The following KLHL13 variants were observed in gnomAD, a reference collection of about 807,000 sequenced individuals.
KLHL13 encodes kelch like family member 13, also known as kelch-like protein 13.
KLHL13 carries 10 observed loss-of-function variants against 37.1 expected under a neutral mutation model. The ratio of observed to expected loss-of-function variants is 0.27; its 90% CI spans 0.17 to 0.46. The LOEUF (loss-of-function observed/expected upper bound fraction) is 0.46, where lower values mean the gene tolerates loss of function less well. Among genes scored for constraint, KLHL13 ranks in the 20% least tolerant of loss-of-function variants. The probability of loss-of-function intolerance (pLI) is 1.00; values close to 1 mark genes in which losing one functional copy is unlikely to be tolerated. For missense variants in KLHL13, 360 were observed against 509.3 expected, an observed-to-expected ratio of 0.71 and a Z score of 2.82; for synonymous variants, 163 against 181.2, an observed-to-expected ratio of 0.90 and a Z score of 0.81.
At chrX:118,047,076 G>C (rs192750129) in intron 1 of KLHL13, among the ~76,000 whole-genome samples, 1 of 111,852 alleles carries the variant, frequency 8.9e-6, no homozygotes, top group East Asian at 2.8e-4. Flanking sequence ...AAACAAGTAA[G>C]AGAAGGGGGG....
intron 1 of KLHL13, among the ~76,000 whole-genome samples, chrX:118,024,434 A>C (rs2054253042): frequency 8.9e-6 from 1 of 112,018 alleles, no homozygotes; most frequent in Non-Finnish European, 1.9e-5. Context: ...ACTACTGCTC[A>C]TCAAAAGACA....
intron 1 of KLHL13, among the ~76,000 whole-genome samples, chrX:118,114,912 T>G (rs1280062444): frequency 1.8e-5 from 2 of 112,126 alleles, no homozygotes; most frequent in African/African-American, 6.5e-5. Context: ...AATACATCAT[T>G]TGATGTTGCA....
chrX:118,004,147 T>C (rs751077399), intron 1 of KLHL13, among the ~76,000 whole-genome samples: 1 of 111,379 alleles, frequency 9.0e-6, no homozygotes, highest in Non-Finnish European at 1.9e-5. Context: ...AGTGAAATCA[T>C]GAAAAGGGAG....
chrX:118,002,753 G>A (rs2053939254), intron 1 of KLHL13, among the ~76,000 whole-genome samples: 1 of 110,991 alleles, frequency 9.0e-6, no homozygotes, highest in Non-Finnish European at 1.9e-5. Context: ...ACGTACAGGG[G>A]CCTTAATTAC....
At chrX:118,074,202 T>C (rs2054904469) in intron 1 of KLHL13, among the ~76,000 whole-genome samples, 1 of 111,903 alleles carries the variant, frequency 8.9e-6, no homozygotes, top group Non-Finnish European at 1.9e-5. Flanking sequence ...TTAGCAGAAA[T>C]GTAGGTTCTA....
chrX:118,071,475 T>A (rs1299178162), intron 1 of KLHL13, among the ~76,000 whole-genome samples: 2 of 111,976 alleles, frequency 1.8e-5, no homozygotes, highest in African/African-American at 6.5e-5. Flanking sequence ...GGTATCTCAC[T>A]GTGGTTTTGA....
At chrX:118,071,357 G>C (rs1340473187) in intron 1 of KLHL13, among the ~76,000 whole-genome samples, 1 of 111,302 alleles carries the variant, frequency 9.0e-6, no homozygotes, top group Admixed American at 9.5e-5. Context: ...GGTTGAACTA[G>C]TTTACAGTCC....
intron 1 of KLHL13, among the ~76,000 whole-genome samples, chrX:117,996,242 G>A (rs1424440575): frequency 8.9e-6 from 1 of 112,120 alleles, no homozygotes; most frequent in African/African-American, 3.2e-5. Context: ...CATCAAATTT[G>A]TGTGATAGTT....
chrX:117,970,442 G>C (rs1346454047), intron 1 of KLHL13, among the ~76,000 whole-genome samples: 1 of 111,542 alleles, frequency 9.0e-6, no homozygotes, highest in African/African-American at 3.3e-5. Context: ...TCAGTGCAAA[G>C]AGTTTAGACC....
chrX:118,115,243 C>A (rs2055455009), intron 1 of KLHL13, among the ~76,000 whole-genome samples: 1 of 112,511 alleles, frequency 8.9e-6, no homozygotes, highest in Admixed American at 9.4e-5. Flanking sequence ...CTGCGTATGT[C>A]AGCATGTGCT....
chrX:118,041,543 G>C (rs1442487468), intron 1 of KLHL13, among the ~76,000 whole-genome samples: 1 of 111,411 alleles, frequency 9.0e-6, no homozygotes, highest in Non-Finnish European at 1.9e-5. Context: ...AGAAAAGAAA[G>C]AGACAACAAA....
In KLHL13 at chrX:118,073,926, T is replaced by C. The variant is rs137967828; in HGVS notation, c.-56+42582A>G. On this transcript the variant is annotated intron_variant, in intron 1 of 6. Coordinates refer to the KLHL13 transcript ENST00000371882. ...TGGGACAGACCTTAAAAGATTTTAT[T>C]ATCTTCCTACCCTTAACATACTTTA... 3.8e-3 allele frequency among the ~76,000 whole-genome samples: 423 copies of C among 111,911 alleles called. 1 individual carries two copies. The highest frequency in any genetic ancestry group is 6.4e-3 in the Non-Finnish European group (339 of 53,157).
At chrX:117,967,609 A>T (rs1474902983) in intron 1 of KLHL13, among the ~76,000 whole-genome samples, 1 of 111,905 alleles carries the variant, frequency 8.9e-6, no homozygotes, top group Admixed American at 9.6e-5. Context: ...AAGTATAAAA[A>T]AAGGAATCTA....
exon 1 of KLHL13, chrX:117,973,484 T>C (rs2053557041): frequency 1.1e-6 from 1 of 924,995 alleles, no homozygotes; most frequent in Admixed American, 4.0e-5. Context: ...AGAATGCCAT[T>C]ATGGGAAAAG....
rs376372512 is a variant in KLHL13 at position 118,110,336 on chromosome X, T to C, written c.-56+6172A>G. Among the ~76,000 whole-genome samples, 121 of 109,936 alleles carry C rather than the reference T, an allele frequency of 1.1e-3. 1 individual carries two copies. The highest frequency in any genetic ancestry group is 1.6e-3 in the Non-Finnish European group (83 of 52,726). ...GGAAGGTCAGGAATCATGTCTCATT[T>C]GTTTTCTACCTTTCTCTTTTCTACT... On this transcript the variant is annotated intron_variant, in intron 1 of 6. Transcript: ENST00000371882.
intron 1 of KLHL13, among the ~76,000 whole-genome samples, chrX:117,995,593 T>C (rs924950733): frequency 5.4e-5 from 6 of 111,348 alleles, no homozygotes; most frequent in Non-Finnish European, 1.1e-4. Context: ...CCCCCTTCTA[T>C]CTTGTTGTGA....
chrX:117,930,420 G>A (rs1932392862), intron 2 of KLHL13, among the ~76,000 whole-genome samples: 1 of 110,706 alleles, frequency 9.0e-6, no homozygotes, highest in South Asian at 3.9e-4. Context: ...TACCAAAAAA[G>A]CTGCTAGAAC....
chrX:117,910,137 C>A (rs758791372), intron 4 of KLHL13, 41 bp from the exon 6 acceptor site: 1 of 967,271 alleles, frequency 1.0e-6, no homozygotes, highest in Non-Finnish European at 1.4e-6. Context: ...TGACTACTTT[C>A]ATGGCAATCA....
intron 1 of KLHL13, among the ~76,000 whole-genome samples, chrX:117,949,196 C>T (rs1220171986): frequency 8.9e-6 from 1 of 112,265 alleles, no homozygotes; most frequent in Non-Finnish European, 1.9e-5. Context: ...TATCAGAGTA[C>T]AAGATATACT....
Sources: allele counts gnomAD v4.1 joint callset (sites outside exome capture counted in the v4.1 genomes callset), GRCh38; gene constraint gnomAD v4.1.1; transcripts MANE v1.5; gene names NCBI Gene and HGNC (gene_info 2026-07-23, HGNC 2026-07-21).